SAR1A: variants seen among roughly 807,000 people sequenced by gnomAD.
The protein encoded by SAR1A is secretion associated Ras related GTPase 1A, also known as small COPII coat GTPase SAR1A.
In SAR1A, 6 loss-of-function variants were observed where a neutral mutation model predicts 22.6. That is an observed-to-expected ratio of 0.27 (90% CI 0.15 to 0.52). The LOEUF (loss-of-function observed/expected upper bound fraction) is 0.52. Among genes scored for constraint, SAR1A ranks in the 20% least tolerant of loss-of-function variants. The probability of loss-of-function intolerance (pLI) is 0.96; values close to 1 mark genes in which losing one functional copy is unlikely to be tolerated. For missense variants in SAR1A, 145 were observed against 245.1 expected (o/e 0.59, Z 2.73); for synonymous variants, 70 against 82.2 (o/e 0.85, Z 0.80).
chr10:70,163,854 G>C, intron 1 of SAR1A: 1 of 1,572,896 alleles, frequency 6.4e-7, no homozygotes, highest in African/African-American at 1.3e-5. Context: ...TGAAGTAGAT[G>C]CTGATGGTAA....
intron 3 of SAR1A, 120 bp from the exon 4 acceptor site, chr10:70,161,189 G>T: frequency 1.3e-6 from 1 of 746,186 alleles, no homozygotes; most frequent in Non-Finnish European, 2.2e-6. Context: ...GAAGTTGAGT[G>T]TGGTGGTACC....
intron 1 of SAR1A, among the ~76,000 whole-genome samples, chr10:70,165,878 T>C (rs1839543107): frequency 1.3e-5 from 2 of 152,232 alleles, no homozygotes; most frequent in East Asian, 3.8e-4. Context: ...CATTAACTGA[T>C]GCAACAAACT....
At chr10:70,164,913 G>T (rs1237770312) in intron 1 of SAR1A, among the ~76,000 whole-genome samples, 1 of 152,198 alleles carries the variant, frequency 6.6e-6, no homozygotes, top group Non-Finnish European at 1.5e-5. Context: ...TGGAGGTGCA[G>T]AAAGAAGTTA....
chr10:70,162,477 G>GGGA (rs1839486525), intron 1 of SAR1A, among the ~76,000 whole-genome samples: 1 of 133,744 alleles, frequency 7.5e-6, no homozygotes, highest in Non-Finnish European at 1.6e-5. Flanking sequence ...GGCGGGGCAG[G>GGGA]GGAGGAGGGG....
At chr10:70,165,138 G>A (rs1053596665) in intron 1 of SAR1A, among the ~76,000 whole-genome samples, 10 of 151,012 alleles carry the variant, frequency 6.6e-5, no homozygotes, top group South Asian at 4.2e-4. Flanking sequence ...AGTGGCGGGC[G>A]CCTGTGGTCC....
intron 4 of SAR1A, among the ~76,000 whole-genome samples, chr10:70,160,617 C>G (rs1839456979): frequency 6.6e-6 from 1 of 152,090 alleles, no homozygotes; most frequent in African/African-American, 2.4e-5. Flanking sequence ...AGGTAAATTA[C>G]ATTAATAAGT....
chr10:70,151,266 A>AAAAAAAAAAAAAAAAAAAC lies in SAR1A; in HGVS notation c.*1191_*1209dup, dbSNP rs1452710236. ...AGAAAGACAATTTCATACCAAAAAA[A>AAAAAAAAAAAAAAAAAAAC]AAAAAAAAAAAAAAAAAACCTGGAA... On this transcript the variant is annotated 3_prime_UTR_variant, in exon 7 of 7. Coordinates refer to ENST00000373241, the MANE Select transcript of SAR1A (RefSeq NM_020150.5). The AAAAAAAAAAAAAAAAAAAC allele has an allele frequency of 1.7e-5, 1 of 60,046 alleles. No individual in the cohort carries two copies. Among genetic ancestry groups the AAAAAAAAAAAAAAAAAAAC allele is most frequent in the Non-Finnish European group, 4.3e-5 (1 of 23,514 alleles). 3.7% of individuals were successfully genotyped at this position (60,046 alleles called of 1,614,324 possible).
Position 70,147,774 on chromosome 10 carries a change from G to C in SAR1A, c.*4702C>G, listed in dbSNP as rs1839273596. The C allele has an allele frequency of 6.6e-6, 1 of 152,314 alleles. No homozygotes were observed. Among genetic ancestry groups the C allele is most frequent in the African/African-American group, 2.4e-5 (1 of 41,434 alleles). 9.4% of individuals were successfully genotyped at this position (152,314 alleles called of 1,614,324 possible). A position where few individuals can be genotyped will look rare whatever the true frequency, so the allele number is the denominator to read the frequency against. ...GGATGAACGAGTATGTCGGGGAGTG[G>C]GGGGGCGCGGAGCTTCATGATACCC... On this transcript the variant is annotated 3_prime_UTR_variant, in exon 7 of 7. Transcript: ENST00000373241.
At chr10:70,169,113 G>T (rs555672914) in intron 1 of SAR1A, among the ~76,000 whole-genome samples, 1 of 152,264 alleles carries the variant, frequency 6.6e-6, no homozygotes, top group African/African-American at 2.4e-5. Flanking sequence ...ACAAGATAAA[G>T]ATGAGGATAC....
At chr10:70,170,036 A>C (rs1291845223) in intron 1 of SAR1A, among the ~76,000 whole-genome samples, 1 of 152,058 alleles carries the variant, frequency 6.6e-6, no homozygotes. Context: ...CGAGTCTACA[A>C]AACAAGGATA....
rs1207136611 is a variant in SAR1A, at chr10:70,150,372, G to A, written c.*2104C>T. The A allele has an allele frequency of 2.0e-5, 3 of 152,216 alleles. No individual in the cohort carries two copies. The highest frequency in any genetic ancestry group is 4.4e-5 in the Non-Finnish European group (3 of 68,032). The allele number at this position is 152,216 out of a possible 1,614,324, so 9.4% of individuals were successfully genotyped here. On this transcript the variant is annotated 3_prime_UTR_variant, in exon 7 of 7. Transcript: ENST00000373241. Reference sequence around the variant, plus strand: ...AGGTGCTGATCCTGTGTTTGGAGCTGAGCTCCTCACAGCAGCTTCTTTCAG... The same window carrying A: ...AGGTGCTGATCCTGTGTTTGGAGCTAAGCTCCTCACAGCAGCTTCTTTCAG...
intron 1 of SAR1A, 112 bp from the exon 2 acceptor site, chr10:70,162,043 G>A (rs369147524): frequency 3.5e-5 from 28 of 797,520 alleles, no homozygotes; most frequent in South Asian, 2.1e-4. Context: ...TCTTGTTTTC[G>A]GGAATAAGAA....
rs1839332393 is a variant in SAR1A at position 70,152,052 on chromosome 10, AAAG to A, written c.*421_*423del. 4.9e-6 allele frequency: 1 copy of A among 205,882 alleles called. No homozygotes were observed. Among genetic ancestry groups the A allele is most frequent in the Non-Finnish European group, 1.0e-5 (1 of 98,158 alleles). The allele number at this position is 205,882 out of a possible 1,614,324, so 12.8% of individuals were successfully genotyped here. A position where few individuals can be genotyped will look rare whatever the true frequency, so the allele number is the denominator to read the frequency against. On this transcript the variant is annotated 3_prime_UTR_variant, in exon 7 of 7. Transcript: ENST00000373241. ...TGTCATTCATTAGTTTAAAAAAAAAAAAGAATAGAAAACTCTGGACCAAGTAAA... is the reference window on the plus strand; with the variant it reads ...TGTCATTCATTAGTTTAAAAAAAAAAAATAGAAAACTCTGGACCAAGTAAA...
rs1233380687 is a variant in SAR1A at position 70,149,605 on chromosome 10, G to C, written c.*2871C>G. The C allele has an allele frequency of 8.1e-6, 1 of 122,898 alleles. No homozygotes were observed. Among genetic ancestry groups the C allele is most frequent in the African/African-American group, 3.2e-5 (1 of 31,092 alleles). 7.6% of individuals were successfully genotyped at this position (122,898 alleles called of 1,614,324 possible). A position where few individuals can be genotyped will look rare whatever the true frequency, so the allele number is the denominator to read the frequency against. Reference sequence around the variant, plus strand: ...GAGTCTTGCTCTGTCACCCAGGCAGGAGTACAGTGGCATGATCTCGGCTCA... The same window carrying C: ...GAGTCTTGCTCTGTCACCCAGGCAGCAGTACAGTGGCATGATCTCGGCTCA... On this transcript the variant is annotated 3_prime_UTR_variant, in exon 7 of 7. Coordinates refer to ENST00000373241, the MANE Select transcript of SAR1A (RefSeq NM_020150.5).
intron 1 of SAR1A, among the ~76,000 whole-genome samples, chr10:70,169,313 G>A (rs1839593951): frequency 6.6e-6 from 1 of 151,550 alleles, no homozygotes; most frequent in South Asian, 2.1e-4. Context: ...ACTACACAGA[G>A]GATGATCTTC....
intron 1 of SAR1A, among the ~76,000 whole-genome samples, chr10:70,162,143 T>C (rs531051605): frequency 6.6e-6 from 1 of 152,026 alleles, no homozygotes; most frequent in African/African-American, 2.4e-5. Flanking sequence ...AGTTCACAAC[T>C]GGCCTGGGCA....
intron 1 of SAR1A, 88 bp from the exon 2 acceptor site, chr10:70,162,019 G>T: frequency 1.1e-6 from 1 of 937,860 alleles, no homozygotes; most frequent in Non-Finnish European, 1.7e-6. Flanking sequence ...TAGCCATGAT[G>T]CACATTTATA....
chr10:70,160,241 C>T lies in SAR1A; in HGVS notation c.244+763G>A, dbSNP rs1839451352. Among the ~76,000 whole-genome samples, 3 of 151,970 alleles carry T rather than the reference C, an allele frequency of 2.0e-5. No homozygotes were observed. In the South Asian group the frequency reaches 6.2e-4, roughly 32 times the overall value. On this transcript the variant is annotated intron_variant, in intron 4 of 6. Transcript: ENST00000373241. Reference sequence around the variant, plus strand: ...TACAGAGTGGATAAAAATAAAACTTCCTGGATTTGATAACTATTATGATTA... The same window carrying T: ...TACAGAGTGGATAAAAATAAAACTTTCTGGATTTGATAACTATTATGATTA...
At chr10:70,157,401 CA>C (rs55801259) in intron 5 of SAR1A, among the ~76,000 whole-genome samples, 724 of 130,696 alleles carry the variant, frequency 5.5e-3, no homozygotes, top group African/African-American at 0.019. Flanking sequence ...AAGACTCCGT[CA>C]AAAAAAAAAA....
Sources: gnomAD v4.1 joint callset for allele counts (sites outside exome capture counted in the v4.1 genomes callset) on GRCh38, gnomAD v4.1.1 for gene constraint, MANE v1.5 for transcripts, NCBI Gene and HGNC (gene_info 2026-07-23, HGNC 2026-07-21) for gene names.